Variants in GRID1 observed in about 807,000 individuals in gnomAD.
GRID1 encodes the protein glutamate receptor ionotropic, delta-1.
In GRID1, 28 loss-of-function variants were observed where a neutral mutation model predicts 98.0. The observed-to-expected ratio is 0.29, with a 90% CI of 0.21 to 0.39. The LOEUF is 0.39. Among genes scored for constraint, GRID1 ranks in the 10% least tolerant of loss-of-function variants. The pLI, the probability that GRID1 is intolerant of heterozygous loss-of-function variation, is 1.00. For synonymous variants in GRID1, 553 were observed against 538.5 expected (o/e 1.03, Z -0.37); for missense variants, 1,111 against 1,340.5 (o/e 0.83, Z 2.67).
At chr10:86,050,251 C>T (rs1234082155) in intron 4 of GRID1, among the ~76,000 whole-genome samples, 1 of 152,212 alleles carries the variant, frequency 6.6e-6, no homozygotes, top group Non-Finnish European at 1.5e-5. Flanking sequence ...CACAATTTCT[C>T]TATTGGCAAA....
intron 3 of GRID1, among the ~76,000 whole-genome samples, chr10:86,184,981 T>C (rs910974686): frequency 2.0e-5 from 3 of 152,154 alleles, no homozygotes; most frequent in African/African-American, 7.2e-5. Context: ...TACATTTCCA[T>C]ACAAATTTTA....
chr10:85,985,483 A>C (rs917352203), intron 4 of GRID1, among the ~76,000 whole-genome samples: 1 of 152,222 alleles, frequency 6.6e-6, no homozygotes, highest in Non-Finnish European at 1.5e-5. Flanking sequence ...GGTCACCTTC[A>C]GAGGCCAGAA....
chr10:86,097,038 T>C (rs574612768), intron 4 of GRID1, among the ~76,000 whole-genome samples: 2 of 152,294 alleles, frequency 1.3e-5, no homozygotes, highest in Non-Finnish European at 2.9e-5. Context: ...ACTCCAGGCT[T>C]CCCAGCCTTT....
intron 3 of GRID1, among the ~76,000 whole-genome samples, chr10:86,202,719 T>C (rs185084603): frequency 1.2e-3 from 177 of 152,330 alleles, no homozygotes; most frequent in African/African-American, 3.8e-3. Context: ...CTGCTCTGAT[T>C]TCTAACTCCT....
At chr10:85,646,909 A>T (rs1277297962) in intron 13 of GRID1, 1 of 431,622 alleles carries the variant, frequency 2.3e-6, no homozygotes. Flanking sequence ...CCTCGGGTGG[A>T]CAGGCCTCTC....
At chr10:85,959,367 A>G (rs915907985) in intron 4 of GRID1, among the ~76,000 whole-genome samples, 1 of 152,248 alleles carries the variant, frequency 6.6e-6, no homozygotes, top group Non-Finnish European at 1.5e-5. Flanking sequence ...GACGAGGTGC[A>G]GCAGGGTCTC....
At chr10:85,666,400 G>A (rs1274404477) in intron 12 of GRID1, among the ~76,000 whole-genome samples, 2 of 152,162 alleles carry the variant, frequency 1.3e-5, no homozygotes, top group East Asian at 3.9e-4. Context: ...CCTCCCTCCA[G>A]GGTCAGCATG....
At chr10:86,280,433 C>T (rs1283803625) in intron 2 of GRID1, among the ~76,000 whole-genome samples, 1 of 152,112 alleles carries the variant, frequency 6.6e-6, no homozygotes, top group African/African-American at 2.4e-5. Flanking sequence ...ACTCAACAAG[C>T]TCCTCAGTAT....
chr10:85,931,040 A>C (rs554765922), intron 4 of GRID1, among the ~76,000 whole-genome samples: 34 of 152,152 alleles, frequency 2.2e-4, no homozygotes, highest in African/African-American at 7.9e-4. Flanking sequence ...GGGTTTTGCC[A>C]TGTTGCCCAG....
At chr10:85,640,559 G>T (rs1212178517) in intron 13 of GRID1, among the ~76,000 whole-genome samples, 1 of 152,192 alleles carries the variant, frequency 6.6e-6, no homozygotes, top group African/African-American at 2.4e-5. Flanking sequence ...CATGGAACCA[G>T]GAGCTGCCAC....
At chr10:85,889,753 C>G (rs369557169) in intron 5 of GRID1, among the ~76,000 whole-genome samples, 18 of 152,164 alleles carry the variant, frequency 1.2e-4, no homozygotes, top group Admixed American at 6.5e-4. Flanking sequence ...TGAGAAACCT[C>G]TATACTGTTT....
intron 2 of GRID1, among the ~76,000 whole-genome samples, chr10:86,345,785 T>C (rs927582044): frequency 4.0e-5 from 6 of 151,496 alleles, no homozygotes; most frequent in Non-Finnish European, 8.8e-5. Context: ...CTGAGCCACT[T>C]CTGCCTGTAC....
intron 3 of GRID1, among the ~76,000 whole-genome samples, chr10:86,193,520 G>A (rs973884990): frequency 5.3e-5 from 8 of 152,098 alleles, no homozygotes; most frequent in Admixed American, 1.3e-4. Context: ...GGGCTTGTGG[G>A]CACACCAGAG....
rs1002797015 is a variant in GRID1, at chr10:86,272,153, A to G, written c.236-65505T>C. Among the ~76,000 whole-genome samples, 4 of 152,204 alleles carry G rather than the reference A, an allele frequency of 2.6e-5. No homozygotes were observed. The South Asian group carries it at 8.3e-4, about 32-fold the overall frequency. ...GTATTGAAAGAGAGAAAAACTATCAACCTAGATTTTTATACCATGAAAAAA... is the reference window on the plus strand; with the variant it reads ...GTATTGAAAGAGAGAAAAACTATCAGCCTAGATTTTTATACCATGAAAAAA... On this transcript the variant is annotated intron_variant, in intron 2 of 15. Transcript: ENST00000327946.
intron 4 of GRID1, among the ~76,000 whole-genome samples, chr10:86,076,721 A>C (rs1309276669): frequency 1.3e-5 from 2 of 152,150 alleles, no homozygotes; most frequent in African/African-American, 4.8e-5. Context: ...AGGCCCACCC[A>C]CATCATGGCG....
intron 8 of GRID1, among the ~76,000 whole-genome samples, chr10:85,744,270 G>A (rs866898830): frequency 7.2e-5 from 11 of 152,286 alleles, no homozygotes; most frequent in South Asian, 4.1e-4. Flanking sequence ...CTAGGAGCCT[G>A]TTTGGGAATT....
rs919119156 is a variant in GRID1 at position 85,608,001 on chromosome 10, G to A, written c.2602-5300C>T. On this transcript the variant is annotated intron_variant, in intron 15 of 15. Coordinates refer to ENST00000327946, the MANE Select transcript of GRID1 (RefSeq NM_017551.3). ...CCTGGCTAATTAAAAAAAAATTGTA[G>A]AGACTGGGGTCTAGCTTTTTTTGCC... Among the ~76,000 whole-genome samples, 46 of 151,916 alleles carry A rather than the reference G, an allele frequency of 3.0e-4. 1 individual carries two copies. The highest frequency in any genetic ancestry group is 3.2e-3 in the Middle Eastern group (1 of 316).
intron 4 of GRID1, among the ~76,000 whole-genome samples, chr10:86,087,685 G>A (rs183574160): frequency 1.8e-3 from 272 of 152,196 alleles, no homozygotes; most frequent in African/African-American, 6.3e-3. Context: ...ACACCCTTGG[G>A]TCCCTGTCCA....
At chr10:86,078,264 C>T (rs1010034464) in intron 4 of GRID1, among the ~76,000 whole-genome samples, 4 of 152,264 alleles carry the variant, frequency 2.6e-5, no homozygotes, top group South Asian at 2.1e-4. Context: ...AGCCCTGGAA[C>T]GATTTTAATG....
Sources: gnomAD v4.1 joint callset for allele counts (sites outside exome capture counted in the v4.1 genomes callset) on GRCh38, gnomAD v4.1.1 for gene constraint, MANE v1.5 for transcripts, NCBI Gene and HGNC (gene_info 2026-07-23, HGNC 2026-07-21) for gene names.